Variants in CSMD1 observed in about 807,000 individuals in gnomAD.
CSMD1 encodes CUB and Sushi multiple domains 1, also known as CUB and sushi domain-containing protein 1.
Under a neutral mutation model 417.5 loss-of-function variants are expected in CSMD1, and 213 were observed. The observed-to-expected ratio is 0.51, with a 90% CI of 0.46 to 0.57. The LOEUF (loss-of-function observed/expected upper bound fraction) is 0.57, where lower values mean the gene tolerates loss of function less well. Among genes scored for constraint, CSMD1 ranks in the 20% least tolerant of loss-of-function variants. CSMD1 has a pLI of 0.00. For missense variants in CSMD1, 6,923 were observed against 4,529.7 expected, an observed-to-expected ratio of 1.53 and a Z score of -15.17; for synonymous variants, 2,862 against 1,736.8, an observed-to-expected ratio of 1.65 and a Z score of -16.11.
intron 1 of CSMD1, among the ~76,000 whole-genome samples, chr8:4,948,062 G>T (rs1463960855): frequency 6.6e-6 from 1 of 151,070 alleles, no homozygotes; most frequent in Non-Finnish European, 1.5e-5. Flanking sequence ...TACCATAGTA[G>T]TAGAATTTCA....
chr8:3,892,985 A>G (rs75211356), intron 5 of CSMD1, among the ~76,000 whole-genome samples: 2,063 of 151,992 alleles, frequency 0.014, 25 homozygotes, highest in Non-Finnish European at 0.02. Context: ...AAAATATGAC[A>G]TAACAATCAT....
chr8:4,637,367 G>C lies in CSMD1; in HGVS notation c.277C>G (p.Pro93Ala). 1.2e-6 allele frequency: 2 copies of C among 1,613,648 alleles called. No individual in the cohort carries two copies. The highest frequency in any genetic ancestry group is 1.7e-6 in the Non-Finnish European group (2 of 1,179,630). The change falls in exon 2 of 70, where the codon CCT (proline) becomes GCT (alanine). Residue 93 changes from proline (P) to alanine (A), a missense_variant. Physicochemically the swap from Pro to Ala is conservative, Grantham distance 27. Coordinates refer to ENST00000635120, the MANE Select transcript of CSMD1 (RefSeq NM_033225.6). ...FDILSVYDGQ[P>A]QQGNLKVRLS... Reference sequence around the variant, plus strand: ...CTCACTTTTAAATTCCCTTGTTGAGGCTGTCCATCGTAAACTGATAAAATA... The same window carrying C: ...CTCACTTTTAAATTCCCTTGTTGAGCCTGTCCATCGTAAACTGATAAAATA...
At chr8:4,523,446 T>C (rs1225340224) in intron 2 of CSMD1, among the ~76,000 whole-genome samples, 1 of 152,160 alleles carries the variant, frequency 6.6e-6, no homozygotes, top group Non-Finnish European at 1.5e-5. Context: ...GGTGTAAAAC[T>C]CATAATAAAG....
chr8:3,800,980 C>T (rs758368792), intron 5 of CSMD1, among the ~76,000 whole-genome samples: 1 of 151,788 alleles, frequency 6.6e-6, no homozygotes, highest in Non-Finnish European at 1.5e-5. Context: ...CAGACTAAGA[C>T]AATTTAAATT....
intron 1 of CSMD1, among the ~76,000 whole-genome samples, chr8:4,716,254 G>A (rs1358268052): frequency 6.6e-6 from 1 of 152,174 alleles, no homozygotes; most frequent in Non-Finnish European, 1.5e-5. Flanking sequence ...TACACTTCAA[G>A]ACAATGCCAG....
chr8:4,407,148 A>G (rs544138137), intron 3 of CSMD1, among the ~76,000 whole-genome samples: 2 of 152,176 alleles, frequency 1.3e-5, no homozygotes, highest in Non-Finnish European at 1.5e-5. Context: ...CTGCAAAGCC[A>G]AAAGAGTAAC....
Position 3,163,751 on chromosome 8 carries a change from C to G in CSMD1, c.5726-1474G>C, listed in dbSNP as rs143528013. Among the ~76,000 whole-genome samples the G allele has an allele frequency of 1.4e-3, 208 of 152,278 alleles. 1 individual carries two copies. The highest frequency in any genetic ancestry group is 4.7e-3 in the African/African-American group (195 of 41,570). ...CAGCTGTGGGTCGAAGCTACAGAGT[C>G]AGCAGCAAGGTCAAGGGAAACCCTG... is the stretch of plus-strand genomic sequence containing the variant. On this transcript the variant is annotated intron_variant, in intron 37 of 69. Transcript: ENST00000635120.
intron 3 of CSMD1, among the ~76,000 whole-genome samples, chr8:4,317,425 A>G (rs1417358451): frequency 3.3e-5 from 5 of 152,180 alleles, no homozygotes; most frequent in Non-Finnish European, 7.3e-5. Context: ...CAGTTAGTGT[A>G]TCTCTGTTGT....
In CSMD1 at chr8:3,723,671, CT is replaced by C. The variant is rs1344930439; in HGVS notation, c.932-15181del. Among the ~76,000 whole-genome samples the C allele has an allele frequency of 1.3e-4, 20 of 151,826 alleles. 1 individual carries two copies. The highest frequency in any genetic ancestry group is 3.4e-4 in the African/African-American group (14 of 41,306). The stretch of plus-strand genomic sequence containing the variant: ...TTTGTAACTTCCCAAAACTTAAAGA[CT>C]TTTTTTGGTAAGAGCAGGGTGATAT... On this transcript the variant is annotated intron_variant, in intron 6 of 69. Transcript: ENST00000635120.
At chr8:4,229,459 C>T (rs1201550268) in intron 3 of CSMD1, among the ~76,000 whole-genome samples, 2 of 152,240 alleles carry the variant, frequency 1.3e-5, no homozygotes, top group Non-Finnish European at 1.5e-5. Context: ...AGAAGACCCA[C>T]AATCACCAAC....
At chr8:3,868,415 G>C (rs140032955) in intron 5 of CSMD1, among the ~76,000 whole-genome samples, 2 of 152,034 alleles carry the variant, frequency 1.3e-5, no homozygotes, top group African/African-American at 4.8e-5. Context: ...GTCCACACAA[G>C]GGCAGCTGGG....
At chr8:4,446,005 C>G (rs1033083090) in intron 2 of CSMD1, among the ~76,000 whole-genome samples, 4 of 152,210 alleles carry the variant, frequency 2.6e-5, no homozygotes, top group African/African-American at 9.6e-5. Context: ...CCTGGCAGCA[C>G]CCTGACTCTG....
intron 5 of CSMD1, among the ~76,000 whole-genome samples, chr8:3,889,440 T>G (rs1365587280): frequency 1.6e-5 from 2 of 122,914 alleles, no homozygotes; most frequent in African/African-American, 6.1e-5. Flanking sequence ...GTTGATATGC[T>G]TCTGATCTTT....
intron 7 of CSMD1, among the ~76,000 whole-genome samples, chr8:3,647,786 G>C (rs1461320650): frequency 1.3e-5 from 2 of 152,332 alleles, no homozygotes; most frequent in East Asian, 1.9e-4. Flanking sequence ...GAGAAAGAGA[G>C]AGAGATATTG....
intron 3 of CSMD1, among the ~76,000 whole-genome samples, chr8:4,312,162 G>C (rs537976088): frequency 1.3e-5 from 2 of 151,702 alleles, no homozygotes; most frequent in Non-Finnish European, 2.9e-5. Flanking sequence ...CGCTTCCTAC[G>C]TGCATTTAGT....
chr8:3,375,798 C>G (rs965812029), intron 18 of CSMD1, among the ~76,000 whole-genome samples: 1 of 152,118 alleles, frequency 6.6e-6, no homozygotes, highest in African/African-American at 2.4e-5. Context: ...GGCCATAGAC[C>G]AGCACTCGAG....
At position 4,883,475 on chromosome 8, in the gene CSMD1, G is replaced by C. The variant is rs1322938859; in HGVS notation, c.85+110857C>G. Among the ~76,000 whole-genome samples the C allele has an allele frequency of 5.9e-5, 9 of 152,018 alleles. 1 individual carries two copies. Among genetic ancestry groups the C allele is most frequent in the African/African-American group, 2.2e-4 (9 of 41,352 alleles). On this transcript the variant is annotated intron_variant, in intron 1 of 69. Coordinates refer to ENST00000635120, the MANE Select transcript of CSMD1 (RefSeq NM_033225.6). Reference sequence around the variant, plus strand: ...CAAAAAGAAATACCCATGACCATTAGCAGTCAATTTATTTTCTCCTCATCA... The same window carrying C: ...CAAAAAGAAATACCCATGACCATTACCAGTCAATTTATTTTCTCCTCATCA...
chr8:4,148,616 G>C (rs527626254), intron 3 of CSMD1, among the ~76,000 whole-genome samples: 8 of 152,270 alleles, frequency 5.3e-5, no homozygotes, highest in African/African-American at 1.9e-4. Context: ...CTTGTGTGTA[G>C]ACAGTAGCTG....
At chr8:4,476,816 A>C (rs1800826323) in intron 2 of CSMD1, among the ~76,000 whole-genome samples, 1 of 152,228 alleles carries the variant, frequency 6.6e-6, no homozygotes, top group Admixed American at 6.5e-5. Flanking sequence ...ATCAAAACCC[A>C]TCACCGTACT....
Sources: gnomAD v4.1 joint callset for allele counts (sites outside exome capture counted in the v4.1 genomes callset) on GRCh38, gnomAD v4.1.1 for gene constraint, MANE v1.5 for transcripts, NCBI Gene and HGNC (gene_info 2026-07-23, HGNC 2026-07-21) for gene names.